TDRD5: variants seen among roughly 807,000 people sequenced by gnomAD.
TDRD5 encodes the protein tudor domain containing 5.
A neutral mutation model predicts 120.6 loss-of-function variants in TDRD5; 41 were observed. The ratio of observed to expected loss-of-function variants is 0.34; its 90% CI spans 0.26 to 0.44. The LOEUF (loss-of-function observed/expected upper bound fraction) is 0.44. Among genes scored for constraint, TDRD5 ranks in the 20% least tolerant of loss-of-function variants. TDRD5 has a pLI of 1.00. For missense variants in TDRD5, 1,006 were observed against 1,221.2 expected (o/e 0.82, Z 2.63); for synonymous variants, 430 against 433.7 (o/e 0.99, Z 0.11).
intron 9 of TDRD5, among the ~76,000 whole-genome samples, chr1:179,636,585 A>G (rs1677775490): frequency 1.3e-5 from 2 of 152,250 alleles, no homozygotes; most frequent in African/African-American, 4.8e-5. Flanking sequence ...CCCTGAATGG[A>G]TCATACAACT....
At chr1:179,630,031 A>T (rs1572368914) in intron 6 of TDRD5, among the ~76,000 whole-genome samples, 1 of 150,626 alleles carries the variant, frequency 6.6e-6, no homozygotes, top group Non-Finnish European at 1.5e-5. Flanking sequence ...CCAGGCTGGA[A>T]TGCAGTGGTG....
Position 179,684,056 on chromosome 1 carries a change from T to A in TDRD5, c.2861-6640T>A, listed in dbSNP as rs114073069. Among the ~76,000 whole-genome samples the A allele has an allele frequency of 7.4e-3, 1,128 of 152,316 alleles. 2 individuals carry two copies. The highest frequency in any genetic ancestry group is 0.017 in the Middle Eastern group (5 of 294). On this transcript the variant is annotated intron_variant, in intron 17 of 17. Coordinates refer to ENST00000444136, the MANE Select transcript of TDRD5 (RefSeq NM_001199085.3). ...AATTACTTCAGCTTTTATTTCATTT[T>A]TTTTATTATACTTTAAGTTTTAGGG...
At chr1:179,626,597 G>A (rs891542385) in intron 6 of TDRD5, among the ~76,000 whole-genome samples, 4 of 152,172 alleles carry the variant, frequency 2.6e-5, no homozygotes, top group Non-Finnish European at 5.9e-5. Flanking sequence ...CTATTTTGGG[G>A]TAAAGGCTAC....
In TDRD5 at chr1:179,638,145, T is replaced by C. The variant is rs954042881; in HGVS notation, c.1521-1694T>C. ...GACTAAGAAAAAGCTAGATTCTGAA[T>C]ACCATGGGAAGATGTTTTCTCTTAT... is the stretch of plus-strand genomic sequence containing the variant. On this transcript the variant is annotated intron_variant, in intron 9 of 17. Transcript: ENST00000444136. Among the ~76,000 whole-genome samples the C allele has an allele frequency of 1.3e-5, 2 of 148,228 alleles. 1 individual carries two copies. Among genetic ancestry groups the C allele is most frequent in the South Asian group, 4.4e-4 (2 of 4,552 alleles).
intron 16 of TDRD5, among the ~76,000 whole-genome samples, chr1:179,664,224 A>G (rs557265961): frequency 6.6e-6 from 1 of 152,278 alleles, no homozygotes; most frequent in African/African-American, 2.4e-5. Flanking sequence ...CCAGAAATGT[A>G]GCTTACTTAA....
chr1:179,669,221 T>G lies in TDRD5; in HGVS notation c.2677T>G (p.Ser893Ala). The change falls in exon 17 of 18, where the codon TCT becomes GCT. Residue 893 changes from serine to alanine, a missense_variant. Ser to Ala is a moderately conservative substitution (Grantham distance 99). Transcript: ENST00000444136. ...ACTAGACATAAATGGTTCTTCAGAT[T>G]CTTCCACACTGCCCAAATTGGAAGA... is the stretch of plus-strand genomic sequence containing the variant. ...KQLDINGSSD[S>A]STLPKLEEFC... 1.9e-6 allele frequency: 3 copies of G among 1,613,830 alleles called. No homozygotes were observed. The highest frequency in any genetic ancestry group is 2.5e-6 in the Non-Finnish European group (3 of 1,179,914).
At chr1:179,609,381 A>T (rs1260634560) in intron 4 of TDRD5, among the ~76,000 whole-genome samples, 1 of 152,196 alleles carries the variant, frequency 6.6e-6, no homozygotes, top group Non-Finnish European at 1.5e-5. Context: ...CATGAAACAA[A>T]GTCTTGACTG....
chr1:179,595,680 C>T lies in TDRD5; in HGVS notation c.693C>T (p.Gly231=). Reference sequence around the variant, plus strand: ...TGAAACAAGGGTCATACTCCACAGGCTTTCCGGTAGCAAAGCCATGCTTTT... The same window carrying T: ...TGAAACAAGGGTCATACTCCACAGGTTTTCCGGTAGCAAAGCCATGCTTTT... ...FRMKQGSYST[G]FPVAKPCFSQ... Residue 231 remains glycine (G), a synonymous_variant, in exon 4 of 18, where the codon GGC becomes GGT. Coordinates refer to ENST00000444136, the MANE Select transcript of TDRD5 (RefSeq NM_001199085.3). 2.5e-6 allele frequency: 4 copies of T among 1,613,540 alleles called. No homozygotes were observed. The highest frequency in any genetic ancestry group is 1.7e-5 in the Admixed American group (1 of 59,942).
At chr1:179,665,194 C>T (rs1679501455) in intron 16 of TDRD5, among the ~76,000 whole-genome samples, 1 of 152,096 alleles carries the variant, frequency 6.6e-6, no homozygotes, top group South Asian at 2.1e-4. Flanking sequence ...AAATTTTCTA[C>T]TCTTCTGTTT....
chr1:179,631,858 T>G lies in TDRD5; in HGVS notation c.1126+938T>G, dbSNP rs112816328. Among the ~76,000 whole-genome samples, 295 of 149,474 alleles carry G rather than the reference T, an allele frequency of 2.0e-3. 2 individuals carry two copies. Among genetic ancestry groups the G allele is most frequent in the African/African-American group, 6.7e-3 (273 of 40,976 alleles). On this transcript the variant is annotated intron_variant, in intron 7 of 17. Transcript: ENST00000444136. ...TTGCATTTAGGGCACTTGATTTTTT[T>G]TTTTTTTTTTTTTTTGTGGGGTGGG...
At chr1:179,621,591 G>A (rs1432750977) in intron 6 of TDRD5, among the ~76,000 whole-genome samples, 4 of 152,146 alleles carry the variant, frequency 2.6e-5, no homozygotes, top group Admixed American at 6.6e-5. Flanking sequence ...ATGGACATCA[G>A]TAGGATAATG....
Position 179,662,264 on chromosome 1 carries a change from C to T in TDRD5, c.2483C>T (p.Ser828Leu). The T allele has an allele frequency of 6.2e-7, 1 of 1,606,840 alleles. No individual in the cohort carries two copies. ...CTTGGTGGAAAGAATCAGTATTCAT[C>T]ATGTAAAGAAATGCCACAGAAGGTT... Reference protein sequence around the residue: ...ASLGGKNQYSSCKEMPQKDWC... With the variant: ...ASLGGKNQYSLCKEMPQKDWC... Residue 828 changes from serine to leucine, a missense_variant, in exon 15 of 18, where the codon TCA (serine) becomes TTA (leucine). Around this residue, in one of 3 missense-constraint regions of TDRD5, gnomAD observed 403 missense variants for 448.1 expected, o/e 0.90. Coordinates refer to ENST00000444136, the MANE Select transcript of TDRD5 (RefSeq NM_001199085.3).
At chr1:179,643,389 T>C (rs1004151870) in intron 11 of TDRD5, among the ~76,000 whole-genome samples, 1 of 152,088 alleles carries the variant, frequency 6.6e-6, no homozygotes, top group African/African-American at 2.4e-5. Flanking sequence ...GAAACTGACA[T>C]TGAGATGTCC....
At chr1:179,690,642 G>T in intron 17 of TDRD5, 54 bp from the exon 18 acceptor site, 1 of 1,571,582 alleles carries the variant, frequency 6.4e-7, no homozygotes. Flanking sequence ...GGGAGAGGAG[G>T]CAGTGAGTAT....
rs932885171 is a variant in TDRD5 at position 179,616,401 on chromosome 1, C to T, written c.832-2198C>T. 7.9e-5 allele frequency among the ~76,000 whole-genome samples: 12 copies of T among 151,984 alleles called. No individual in the cohort carries two copies. The South Asian group carries it at 8.3e-4, about 11-fold the overall frequency. On this transcript the variant is annotated intron_variant, in intron 4 of 17. Coordinates refer to ENST00000444136, the MANE Select transcript of TDRD5 (RefSeq NM_001199085.3). Reference sequence around the variant, plus strand: ...CTCTGGATTCCACCTTTGTCATATCCCTTCTTTTTCTATTCTCTCCCAGCA... The same window carrying T: ...CTCTGGATTCCACCTTTGTCATATCTCTTCTTTTTCTATTCTCTCCCAGCA...
At chr1:179,659,998 G>A (rs560561929) in intron 14 of TDRD5, among the ~76,000 whole-genome samples, 1 of 151,996 alleles carries the variant, frequency 6.6e-6, no homozygotes, top group African/African-American at 2.4e-5. Flanking sequence ...GCTCAGCCTT[G>A]TTTGATTATT....
At position 179,645,102 on chromosome 1, in the gene TDRD5, T is replaced by C. The variant is rs1297555873; in HGVS notation, c.1800+4657T>C. Among the ~76,000 whole-genome samples the C allele has an allele frequency of 2.9e-5, 4 of 139,426 alleles. No homozygotes were observed. In the East Asian group the frequency reaches 6.7e-4, roughly 23 times the overall value. 91.5% of individuals were successfully genotyped at this position (139,426 alleles called of 152,430 possible). A position where few individuals can be genotyped will look rare whatever the true frequency, so the allele number is the denominator to read the frequency against. ...TTTTTTTTTTTTTTTTTTTTTTTTT[T>C]TGAGACGGAGTCTCGCTCTGTCGCC... On this transcript the variant is annotated intron_variant, in intron 11 of 17. Coordinates refer to ENST00000444136, the MANE Select transcript of TDRD5 (RefSeq NM_001199085.3).
chr1:179,648,204 CCAA>C, intron 11 of TDRD5, among the ~76,000 whole-genome samples: 1 of 145,232 alleles, frequency 6.9e-6, no homozygotes, highest in Non-Finnish European at 1.5e-5. Flanking sequence ...ACCCAAATGT[CCAA>C]CAACGATAGA....
Position 179,689,806 on chromosome 1 carries a change from T to C in TDRD5, c.2861-890T>C, listed in dbSNP as rs191039129. On this transcript the variant is annotated intron_variant, in intron 17 of 17. Transcript: ENST00000444136. ...ACCTTGCAGTTCAATCTCAGACTGC[T>C]GTGCTAGCAGTGAGTGAGGCTCCGT... Among the ~76,000 whole-genome samples the C allele has an allele frequency of 1.5e-3, 227 of 152,308 alleles. 1 individual carries two copies. The highest frequency in any genetic ancestry group is 5.3e-3 in the African/African-American group (220 of 41,566).
Sources: allele counts gnomAD v4.1 joint callset (sites outside exome capture counted in the v4.1 genomes callset), GRCh38; gene constraint gnomAD v4.1.1; regional missense constraint gnomAD v4.1.1; transcripts MANE v1.5; gene names NCBI Gene and HGNC (gene_info 2026-07-23, HGNC 2026-07-21).